The following NCKAP5 variants were observed in gnomAD, a reference collection of about 807,000 sequenced individuals.
NCKAP5 encodes NCK associated protein 5.
Under a neutral mutation model 167.0 loss-of-function variants are expected in NCKAP5, and 92 were observed. That is an observed-to-expected ratio of 0.55 (90% CI 0.47 to 0.66). The LOEUF is 0.66. Among genes scored for constraint, NCKAP5 ranks in the 30% least tolerant of loss-of-function variants. The probability of loss-of-function intolerance (pLI) is 0.00; values close to 1 mark genes in which losing one functional copy is unlikely to be tolerated. For synonymous variants in NCKAP5, 891 were observed against 877.4 expected (o/e 1.02, Z -0.27); for missense variants, 2,378 against 2,315.0 (o/e 1.03, Z -0.56).
At chr2:133,033,715 T>C (rs2078953933) in intron 6 of NCKAP5, among the ~76,000 whole-genome samples, 1 of 151,982 alleles carries the variant, frequency 6.6e-6, no homozygotes. Context: ...AAAAATACAA[T>C]TAGCATACTG....
At chr2:133,020,088 GA>G (rs1210052057) in intron 6 of NCKAP5, among the ~76,000 whole-genome samples, 1 of 152,202 alleles carries the variant, frequency 6.6e-6, no homozygotes, top group African/African-American at 2.4e-5. Flanking sequence ...AATTATAACT[GA>G]AGTCATTTAT....
chr2:132,839,613 C>T (rs895716), intron 11 of NCKAP5, among the ~76,000 whole-genome samples: 95,647 of 151,460 alleles, frequency 0.63, 31,722 homozygotes, highest in East Asian at 0.88. Context: ...ATACAAAAAT[C>T]AGCTGGGCAT....
At chr2:132,860,400 T>G (rs1466709807) in intron 11 of NCKAP5, 92 bp downstream of exon 11, 16 of 1,383,074 alleles carry the variant, frequency 1.2e-5, no homozygotes, top group Non-Finnish European at 1.6e-5. Context: ...CAATATGCCT[T>G]GCTCATGAAG....
At position 132,878,869 on chromosome 2, in the gene NCKAP5, T is replaced by C; in HGVS notation, c.627A>G (p.Gln209=). 1.2e-6 allele frequency: 2 copies of C among 1,613,794 alleles called. No individual in the cohort carries two copies. Among genetic ancestry groups the C allele is most frequent in the African/African-American group, 1.3e-5 (1 of 75,050 alleles). The change falls in exon 9 of 20, where the codon CAA becomes CAG. Residue 209 remains glutamine (Q), a synonymous_variant. Coordinates refer to ENST00000409261, the MANE Select transcript of NCKAP5 (RefSeq NM_207363.3). ...LALENENQRE[Q]YERCLDEVAN... is the part of the protein sequence containing the mutation. Reference sequence around the variant, plus strand: ...TTACCTCATCAAGACATCGCTCATATTGTTCCCTTTGATTTTCATTCTCCA... The same window carrying C: ...TTACCTCATCAAGACATCGCTCATACTGTTCCCTTTGATTTTCATTCTCCA...
At chr2:133,414,522 C>CA (rs1157405761) in intron 3 of NCKAP5, among the ~76,000 whole-genome samples, 7 of 150,802 alleles carry the variant, frequency 4.6e-5, no homozygotes, top group African/African-American at 2.4e-5. Context: ...CTTGTTGCAC[C>CA]AAAAAAAAGC....
intron 1 of NCKAP5, among the ~76,000 whole-genome samples, chr2:133,563,402 C>G (rs1236325595): frequency 6.6e-6 from 1 of 151,864 alleles, no homozygotes; most frequent in East Asian, 1.9e-4. Context: ...AACCCTGTCT[C>G]TACTAAAAAT....
chr2:133,499,136 T>A (rs549414849), intron 3 of NCKAP5, among the ~76,000 whole-genome samples: 1 of 152,368 alleles, frequency 6.6e-6, no homozygotes, highest in East Asian at 1.9e-4. Context: ...TAAATGGCTT[T>A]ATCATTTTGT....
the NCKAP5 span, among the ~76,000 whole-genome samples, chr2:133,610,950 C>A: frequency 2.0e-5 from 3 of 152,044 alleles, no homozygotes; most frequent in Non-Finnish European, 4.4e-5. Context: ...CAGAGGAGAT[C>A]ATGTGATTAG....
At chr2:132,748,632 A>G (rs1679848975) in intron 16 of NCKAP5, among the ~76,000 whole-genome samples, 1 of 152,148 alleles carries the variant, frequency 6.6e-6, no homozygotes, top group African/African-American at 2.4e-5. Flanking sequence ...TGCAACAACT[A>G]TACCCGTACC....
chr2:133,014,799 C>T (rs554955096), intron 6 of NCKAP5, among the ~76,000 whole-genome samples: 24 of 152,270 alleles, frequency 1.6e-4, no homozygotes, highest in African/African-American at 5.1e-4. Flanking sequence ...ATCAGTGGAT[C>T]ATGAGATGAT....
intron 5 of NCKAP5, among the ~76,000 whole-genome samples, chr2:133,135,811 T>G (rs1459691830): frequency 6.6e-6 from 1 of 152,084 alleles, no homozygotes; most frequent in Non-Finnish European, 1.5e-5. Flanking sequence ...GATGAAATAA[T>G]GTATGGTAAG....
intron 3 of NCKAP5, among the ~76,000 whole-genome samples, chr2:133,347,940 CT>C: frequency 6.6e-6 from 1 of 152,222 alleles, no homozygotes; most frequent in African/African-American, 2.4e-5. Context: ...AAAATATGTT[CT>C]TGAACCAAAG....
At chr2:133,411,283 G>A (rs1688755816) in intron 3 of NCKAP5, among the ~76,000 whole-genome samples, 1 of 152,210 alleles carries the variant, frequency 6.6e-6, no homozygotes, top group Admixed American at 6.5e-5. Flanking sequence ...GTGTATGGGT[G>A]TGGGACAGAG....
intron 11 of NCKAP5, among the ~76,000 whole-genome samples, chr2:132,845,065 G>A (rs968743207): frequency 3.9e-5 from 6 of 152,114 alleles, no homozygotes; most frequent in African/African-American, 1.4e-4. Context: ...TGGTAGTGAG[G>A]TGAGTGTCTT....
At chr2:132,911,405 CT>C (rs1694442004) in intron 8 of NCKAP5, 1 of 152,192 alleles carries the variant, frequency 6.6e-6, no homozygotes, top group Non-Finnish European at 1.5e-5. Context: ...GACATTCTGA[CT>C]TTTTGGCAAA....
chr2:133,613,536 T>A, the NCKAP5 span, among the ~76,000 whole-genome samples: 1 of 152,142 alleles, frequency 6.6e-6, no homozygotes, highest in Admixed American at 6.5e-5. Flanking sequence ...CACATTAGCT[T>A]GAAAATAGAA....
intron 19 of NCKAP5, among the ~76,000 whole-genome samples, 160 bp downstream of exon 19, chr2:132,725,467 A>G (rs924965475): frequency 5.3e-5 from 8 of 152,236 alleles, no homozygotes; most frequent in Non-Finnish European, 1.5e-5. Flanking sequence ...ATGGATGTGC[A>G]TAGACAATCT....
intron 11 of NCKAP5, among the ~76,000 whole-genome samples, chr2:132,846,465 C>G (rs571263650): frequency 3.9e-5 from 6 of 151,956 alleles, no homozygotes; most frequent in African/African-American, 1.2e-4. Flanking sequence ...CCACCACGCC[C>G]GGCTAATTTT....
chr2:133,400,486 G>A (rs1451339356), intron 3 of NCKAP5, among the ~76,000 whole-genome samples: 3 of 152,178 alleles, frequency 2.0e-5, no homozygotes, highest in Non-Finnish European at 4.4e-5. Flanking sequence ...GAGAGAAGAG[G>A]AGAAGTGAGA....
Sources: allele counts gnomAD v4.1 joint callset (sites outside exome capture counted in the v4.1 genomes callset), GRCh38; gene constraint gnomAD v4.1.1; transcripts MANE v1.5; gene names NCBI Gene and HGNC (gene_info 2026-07-23, HGNC 2026-07-21).